TAF3: variants seen among roughly 807,000 people sequenced by gnomAD.
The protein encoded by TAF3 is TATA-box binding protein associated factor 3, also known as transcription initiation factor TFIID subunit 3.
A neutral mutation model predicts 80.6 loss-of-function variants in TAF3; 7 were observed. The ratio of observed to expected loss-of-function variants is 0.09; its 90% confidence interval spans 0.05 to 0.16. The LOEUF (loss-of-function observed/expected upper bound fraction) is 0.16, where lower values mean the gene tolerates loss of function less well. Among genes scored for constraint, TAF3 ranks in the 10% least tolerant of loss-of-function variants. The probability of loss-of-function intolerance (pLI) is 1.00; values close to 1 mark genes in which losing one functional copy is unlikely to be tolerated. For synonymous variants in TAF3, 444 were observed against 446.1 expected (o/e 1.00, Z 0.06); for missense variants, 921 against 1,140.2 (o/e 0.81, Z 2.77).
At chr10:7,904,182 G>C (rs1320111999) in intron 2 of TAF3, among the ~76,000 whole-genome samples, 1 of 151,806 alleles carries the variant, frequency 6.6e-6, no homozygotes, top group Non-Finnish European at 1.5e-5. Flanking sequence ...AGTGGGGTTG[G>C]GACACGCTCT....
intron 2 of TAF3, among the ~76,000 whole-genome samples, chr10:7,855,089 A>C (rs999291458): frequency 6.6e-6 from 1 of 152,176 alleles, no homozygotes; most frequent in African/African-American, 2.4e-5. Context: ...CATTTTTTGA[A>C]ACTGGAAAGT....
At chr10:7,917,525 G>A (rs1424592853) in intron 2 of TAF3, among the ~76,000 whole-genome samples, 2 of 152,230 alleles carry the variant, frequency 1.3e-5, no homozygotes, top group African/African-American at 4.8e-5. Flanking sequence ...TATAGGCCAT[G>A]ATATGGAATG....
chr10:7,982,654 C>T (rs1831736541), intron 4 of TAF3, among the ~76,000 whole-genome samples: 1 of 152,234 alleles, frequency 6.6e-6, no homozygotes, highest in African/African-American at 2.4e-5. Flanking sequence ...CCTGCCTTGG[C>T]TTCCCAAAGT....
intron 2 of TAF3, among the ~76,000 whole-genome samples, chr10:7,878,928 A>G (rs1057462829): frequency 2.6e-5 from 4 of 152,028 alleles, no homozygotes; most frequent in South Asian, 2.1e-4. Flanking sequence ...GGGTTTCCCT[A>G]TGTTGGCCAG....
chr10:7,843,787 AT>A (rs1836942414), intron 2 of TAF3, among the ~76,000 whole-genome samples: 3 of 152,092 alleles, frequency 2.0e-5, no homozygotes, highest in Non-Finnish European at 4.4e-5. Context: ...GTTTAAATTT[AT>A]AATTCATTTT....
In TAF3 at chr10:7,828,066, G is replaced by T. The variant is rs1446160596; in HGVS notation, c.409+3506G>T. Among the ~76,000 whole-genome samples the T allele has an allele frequency of 5.3e-5, 8 of 152,168 alleles. 1 individual carries two copies. Among genetic ancestry groups the T allele is most frequent in the Admixed American group, 5.2e-4 (8 of 15,286 alleles). ...ATACAATATACATTAGTGAAGTCAC[G>T]CTATAAGGGGAATCGGTGTCAAGCT... is the stretch of plus-strand genomic sequence containing the variant. On this transcript the variant is annotated intron_variant, in intron 2 of 6. Coordinates refer to ENST00000344293, the MANE Select transcript of TAF3 (RefSeq NM_031923.4).
chr10:7,936,434 G>A (rs1837921014), intron 2 of TAF3, among the ~76,000 whole-genome samples: 2 of 151,644 alleles, frequency 1.3e-5, no homozygotes, highest in Admixed American at 1.3e-4. Flanking sequence ...TTCTTTTAGA[G>A]TTAAGAAAAA....
chr10:7,932,548 A>G (rs1361661808), intron 2 of TAF3, among the ~76,000 whole-genome samples: 1 of 152,232 alleles, frequency 6.6e-6, no homozygotes, highest in African/African-American at 2.4e-5. Context: ...ATCACCAGTC[A>G]AAACAAAGCA....
intron 2 of TAF3, among the ~76,000 whole-genome samples, chr10:7,960,723 T>C (rs958140376): frequency 4.6e-5 from 7 of 152,142 alleles, no homozygotes; most frequent in African/African-American, 1.2e-4. Context: ...ACTGGAGAAA[T>C]TGGATTTTTA....
intron 2 of TAF3, among the ~76,000 whole-genome samples, chr10:7,829,874 G>A (rs1836781368): frequency 6.6e-6 from 1 of 151,898 alleles, no homozygotes; most frequent in Non-Finnish European, 1.5e-5. Context: ...CTTCTGCATG[G>A]GGATTTCTCT....
At chr10:7,995,756 G>A (rs1016133581) in intron 4 of TAF3, among the ~76,000 whole-genome samples, 1 of 152,184 alleles carries the variant, frequency 6.6e-6, no homozygotes, top group Non-Finnish European at 1.5e-5. Flanking sequence ...TTTATGAGAT[G>A]ATGTAAATAT....
chr10:7,820,653 C>G (rs116030713), intron 1 of TAF3, among the ~76,000 whole-genome samples: 17 of 152,260 alleles, frequency 1.1e-4, no homozygotes, highest in African/African-American at 3.9e-4. Flanking sequence ...CGCCACCATG[C>G]CTGGCTAATC....
chr10:7,947,228 C>G (rs1250393042), intron 2 of TAF3, among the ~76,000 whole-genome samples: 1 of 152,238 alleles, frequency 6.6e-6, no homozygotes, highest in Non-Finnish European at 1.5e-5. Context: ...GTTCTCTGCT[C>G]TGCTGTGCAA....
chr10:7,888,559 T>C (rs1008005471), intron 2 of TAF3, among the ~76,000 whole-genome samples: 2 of 152,178 alleles, frequency 1.3e-5, no homozygotes, highest in African/African-American at 4.8e-5. Context: ...GCTCATTCAC[T>C]CATTGGTTTG....
At chr10:7,884,618 C>T (rs1454639810) in intron 2 of TAF3, among the ~76,000 whole-genome samples, 2 of 152,132 alleles carry the variant, frequency 1.3e-5, no homozygotes, top group African/African-American at 4.8e-5. Context: ...AAACTCCTGA[C>T]CTCAGGTGAT....
chr10:7,904,900 C>T (rs544359414), intron 2 of TAF3, among the ~76,000 whole-genome samples: 5 of 152,262 alleles, frequency 3.3e-5, no homozygotes, highest in South Asian at 4.2e-4. Context: ...CCCAATTCCC[C>T]GCACTTCCTC....
At chr10:7,874,310 T>C (rs1837294980) in intron 2 of TAF3, among the ~76,000 whole-genome samples, 1 of 152,208 alleles carries the variant, frequency 6.6e-6, no homozygotes. Flanking sequence ...TTTAAAGAAA[T>C]GCAAAAGGAC....
chr10:7,864,342 A>G (rs1837188225), intron 2 of TAF3, among the ~76,000 whole-genome samples: 1 of 152,216 alleles, frequency 6.6e-6, no homozygotes, highest in Non-Finnish European at 1.5e-5. Context: ...ATATGTTATT[A>G]CTGTGTACAA....
chr10:8,014,799 C>G lies in TAF3; in HGVS notation c.*48C>G, dbSNP rs1832088976. ...AGCGGGGTCAGCCCGGGCTTCTTCC[C>G]TGGCGCCTCTGGAAGGGAGCTGGTG... On this transcript the variant is annotated 3_prime_UTR_variant, in exon 7 of 7. Transcript: ENST00000344293. The G allele has an allele frequency of 6.7e-7, 1 of 1,496,780 alleles. No individual in the cohort carries two copies. Among genetic ancestry groups the G allele is most frequent in the Non-Finnish European group, 9.0e-7 (1 of 1,109,582 alleles). The allele number at this position is 1,496,780 out of a possible 1,614,324, so 92.7% of individuals were successfully genotyped here. A position where few individuals can be genotyped will look rare whatever the true frequency, so the allele number is the denominator to read the frequency against.
Sources: gnomAD v4.1 joint callset for allele counts (sites outside exome capture counted in the v4.1 genomes callset) on GRCh38, gnomAD v4.1.1 for gene constraint, MANE v1.5 for transcripts, NCBI Gene and HGNC (gene_info 2026-07-23, HGNC 2026-07-21) for gene names.